RAP2A: variants seen among roughly 807,000 people sequenced by gnomAD.
RAP2A encodes the protein RAP2A, member of RAS oncogene family.
A neutral mutation model predicts 15.1 loss-of-function variants in RAP2A; 5 were observed. The observed-to-expected ratio is 0.33, with a 90% confidence interval of 0.17 to 0.70. The LOEUF (loss-of-function observed/expected upper bound fraction) is 0.70, where lower values mean the gene tolerates loss of function less well. Ranked by LOEUF, RAP2A falls within the 30% of genes least tolerant of loss-of-function variation. The pLI is 0.68. For missense variants in RAP2A, 111 were observed against 240.3 expected (o/e 0.46, Z 3.56); for synonymous variants, 110 against 99.7 (o/e 1.10, Z -0.62).
intron 1 of RAP2A, among the ~76,000 whole-genome samples, chr13:97,435,324 A>G (rs2066628624): frequency 6.6e-6 from 1 of 152,192 alleles, no homozygotes; most frequent in African/African-American, 2.4e-5. Context: ...AGATTATTAA[A>G]TTATTTGAAG....
In RAP2A at chr13:97,452,667, C is replaced by CACAT. The variant is rs536881103; in HGVS notation, c.315-11535_315-11534insTACA. Among the ~76,000 whole-genome samples the CACAT allele has an allele frequency of 7.5e-3, 1,125 of 150,826 alleles. 29 individuals are homozygous for CACAT. The highest frequency in any genetic ancestry group is 0.014 in the Middle Eastern group (4 of 292). ...ACACACACGCACACACACACACACACACAACCAACGGAACCTTCTGGCATT... is the reference window on the plus strand; with the variant it reads ...ACACACACGCACACACACACACACACACATACAACCAACGGAACCTTCTGGCATT... On this transcript the variant is annotated intron_variant, in intron 1 of 1. Coordinates refer to ENST00000245304, the MANE Select transcript of RAP2A (RefSeq NM_021033.7).
intron 1 of RAP2A, among the ~76,000 whole-genome samples, chr13:97,445,908 C>T (rs2066677505): frequency 6.6e-6 from 1 of 152,148 alleles, no homozygotes; most frequent in African/African-American, 2.4e-5. Flanking sequence ...CTAAGGCCAC[C>T]CTGAGCACAT....
At chr13:97,462,052 A>T (rs1594328812) in intron 1 of RAP2A, among the ~76,000 whole-genome samples, 2 of 145,176 alleles carry the variant, frequency 1.4e-5, no homozygotes, top group African/African-American at 5.0e-5. Context: ...TTATATATAT[A>T]TTTATATATA....
intron 1 of RAP2A, among the ~76,000 whole-genome samples, chr13:97,454,762 A>G (rs1232422017): frequency 2.0e-5 from 3 of 151,432 alleles, no homozygotes; most frequent in Non-Finnish European, 4.4e-5. Context: ...ATTTTCCTTC[A>G]GCCCAAGGAA....
intron 1 of RAP2A, among the ~76,000 whole-genome samples, chr13:97,461,834 G>A (rs2066747165): frequency 6.6e-6 from 1 of 151,216 alleles, no homozygotes; most frequent in Admixed American, 6.6e-5. Flanking sequence ...GTGGTGGTGG[G>A]CGCCTGTAGT....
chr13:97,450,600 A>G (rs933717125), intron 1 of RAP2A, among the ~76,000 whole-genome samples: 1 of 152,170 alleles, frequency 6.6e-6, no homozygotes, highest in African/African-American at 2.4e-5. Flanking sequence ...TCAAGTATCA[A>G]ATACAGATCA....
At position 97,465,752 on chromosome 13, in the gene RAP2A, T is replaced by G. The variant is rs2066768037; in HGVS notation, c.*1310T>G. On this transcript the variant is annotated 3_prime_UTR_variant, in exon 2 of 2. Transcript: ENST00000245304. ...TTGGTTTTCATAGTCGTGAAGTATTTATCATTTGCATGACTAATGGCACAG... is the reference window on the plus strand; with the variant it reads ...TTGGTTTTCATAGTCGTGAAGTATTGATCATTTGCATGACTAATGGCACAG... 6.6e-6 allele frequency: 1 copy of G among 152,222 alleles called. No individual in the cohort carries two copies. Among genetic ancestry groups the G allele is most frequent in the Admixed American group, 6.5e-5 (1 of 15,280 alleles). 9.4% of individuals were successfully genotyped at this position (152,222 alleles called of 1,614,324 possible). A position where few individuals can be genotyped will look rare whatever the true frequency, so the allele number is the denominator to read the frequency against.
intron 1 of RAP2A, among the ~76,000 whole-genome samples, chr13:97,451,150 C>G (rs1028549730): frequency 1.3e-5 from 2 of 152,056 alleles, no homozygotes; most frequent in Non-Finnish European, 2.9e-5. Context: ...AACACACAGC[C>G]AACAGGCATG....
At chr13:97,444,657 T>G (rs1053661292) in intron 1 of RAP2A, among the ~76,000 whole-genome samples, 1 of 152,226 alleles carries the variant, frequency 6.6e-6, no homozygotes, top group Non-Finnish European at 1.5e-5. Context: ...GGGTATATAT[T>G]TTGCAGTATT....
intron 1 of RAP2A, among the ~76,000 whole-genome samples, chr13:97,459,436 G>C (rs1334545978): frequency 1.3e-5 from 2 of 152,188 alleles, no homozygotes; most frequent in Non-Finnish European, 2.9e-5. Flanking sequence ...ATAAGTGCCA[G>C]ATTTGTTTTC....
intron 1 of RAP2A, among the ~76,000 whole-genome samples, chr13:97,457,231 G>A (rs1389342688): frequency 2.0e-5 from 3 of 151,242 alleles, no homozygotes; most frequent in African/African-American, 7.3e-5. Context: ...AAGATTATAG[G>A]TATAAACACG....
intron 1 of RAP2A, chr13:97,436,069 CT>C (rs1480907875): frequency 6.6e-6 from 1 of 152,210 alleles, no homozygotes; most frequent in Admixed American, 6.5e-5. Context: ...TCCACCCCCC[CT>C]TAACTGAGTA....
chr13:97,457,407 G>A (rs920961408), intron 1 of RAP2A, among the ~76,000 whole-genome samples: 10 of 151,998 alleles, frequency 6.6e-5, no homozygotes, highest in Non-Finnish European at 1.5e-5. Context: ...TTACGGTACA[G>A]TTATAGTTTC....
At chr13:97,460,506 T>C (rs1040690001) in intron 1 of RAP2A, among the ~76,000 whole-genome samples, 11 of 152,278 alleles carry the variant, frequency 7.2e-5, no homozygotes, top group African/African-American at 2.2e-4. Context: ...GGAGTCCTAG[T>C]CTGTTTGGTT....
chr13:97,445,088 G>C (rs1324266600), intron 1 of RAP2A, among the ~76,000 whole-genome samples: 1 of 152,096 alleles, frequency 6.6e-6, no homozygotes, highest in African/African-American at 2.4e-5. Context: ...TGAGGGTGGA[G>C]CCATCATGAC....
In RAP2A at chr13:97,434,450, GGCGGCGGCC is replaced by G; in HGVS notation, c.-16_-8del. ...GGTCTATGTCGCGGGCGGCGGCGGC[GGCGGCGGCC>G]GCGGAGGGACGATGCGCGAGTACAA... On this transcript the variant is annotated 5_prime_UTR_variant, in exon 1 of 2. Coordinates refer to ENST00000245304, the MANE Select transcript of RAP2A (RefSeq NM_021033.7). 1.9e-6 allele frequency: 3 copies of G among 1,566,232 alleles called. No individual in the cohort carries two copies. In the Middle Eastern group the frequency reaches 5.1e-4, roughly 268 times the overall value.
chr13:97,447,896 T>C (rs1293417707), intron 1 of RAP2A, among the ~76,000 whole-genome samples: 2 of 152,124 alleles, frequency 1.3e-5, no homozygotes, highest in Admixed American at 1.3e-4. Context: ...GATGTAACTT[T>C]AAAGGTAGCA....
chr13:97,457,722 G>A (rs574454161), intron 1 of RAP2A, among the ~76,000 whole-genome samples: 2 of 152,168 alleles, frequency 1.3e-5, no homozygotes, highest in African/African-American at 4.8e-5. Context: ...TTGATATATG[G>A]AGGAAAATAA....
chr13:97,456,127 GA>G (rs1010514262), intron 1 of RAP2A, among the ~76,000 whole-genome samples: 1 of 144,260 alleles, frequency 6.9e-6, no homozygotes, highest in African/African-American at 2.6e-5. Context: ...AAATAAGAAG[GA>G]AAAAAGTGAG....
Sources: gnomAD v4.1 joint callset for allele counts (sites outside exome capture counted in the v4.1 genomes callset) on GRCh38, gnomAD v4.1.1 for gene constraint, MANE v1.5 for transcripts, NCBI Gene and HGNC (gene_info 2026-07-23, HGNC 2026-07-21) for gene names.